Variants in FRMD5 observed in about 807,000 individuals in gnomAD.
FRMD5 encodes FERM domain-containing protein 5.
In FRMD5, 20 loss-of-function variants were observed where a neutral mutation model predicts 69.0. The ratio of observed to expected loss-of-function variants is 0.29; its 90% CI spans 0.20 to 0.42. FRMD5 has a LOEUF of 0.42. Ranked by LOEUF, FRMD5 falls within the 10% of genes least tolerant of loss-of-function variation. The probability of loss-of-function intolerance (pLI) is 1.00; values close to 1 mark genes in which losing one functional copy is unlikely to be tolerated. For missense variants in FRMD5, 595 were observed against 708.6 expected (o/e 0.84, Z 1.82); for synonymous variants, 271 against 260.1 (o/e 1.04, Z -0.40).
intron 1 of FRMD5, chr15:43,989,525 G>C: frequency 1.1e-6 from 1 of 900,344 alleles, no homozygotes; most frequent in South Asian, 1.3e-5. Flanking sequence ...GAAGTCCAGG[G>C]TGACATAGCA....
At chr15:44,063,893 T>C in intron 1 of FRMD5, 1 of 268,280 alleles carries the variant, frequency 3.7e-6, no homozygotes, top group Non-Finnish European at 7.3e-6. Flanking sequence ...TCTGTCGACG[T>C]CCCCATGTTT....
intron 1 of FRMD5, among the ~76,000 whole-genome samples, chr15:44,109,729 G>A (rs186014732): frequency 3.9e-5 from 6 of 152,258 alleles, no homozygotes; most frequent in Admixed American, 3.9e-4. Flanking sequence ...TTTGAAAAGT[G>A]TACAATGACG....
At chr15:43,991,132 C>G (rs746906800) in intron 1 of FRMD5, among the ~76,000 whole-genome samples, 1 of 152,160 alleles carries the variant, frequency 6.6e-6, no homozygotes, top group Non-Finnish European at 1.5e-5. Flanking sequence ...CTGTACAGGT[C>G]TCTGCCAGAG....
At chr15:44,048,235 T>C (rs1006697897) in intron 1 of FRMD5, among the ~76,000 whole-genome samples, 1 of 152,194 alleles carries the variant, frequency 6.6e-6, no homozygotes, top group East Asian at 1.9e-4. Context: ...GGCTTGTCTA[T>C]CCATTTAATT....
At chr15:43,945,714 A>G (rs943864783) in intron 1 of FRMD5, among the ~76,000 whole-genome samples, 1 of 152,136 alleles carries the variant, frequency 6.6e-6, no homozygotes, top group African/African-American at 2.4e-5. Flanking sequence ...TATGGACGGG[A>G]GGGCACATTG....
chr15:43,958,990 C>T (rs1319479316), intron 1 of FRMD5, among the ~76,000 whole-genome samples: 1 of 152,204 alleles, frequency 6.6e-6, no homozygotes, highest in African/African-American at 2.4e-5. Flanking sequence ...CATCAACTCT[C>T]TTATGCATCC....
At chr15:44,197,978 T>C (rs1485587951), upstream of FRMD5, among the ~76,000 whole-genome samples, 1 of 152,144 alleles carries the variant, frequency 6.6e-6, no homozygotes, top group Admixed American at 6.5e-5. Context: ...GTATTTCCTA[T>C]GTCAATGTGT....
intron 1 of FRMD5, among the ~76,000 whole-genome samples, chr15:43,946,323 C>T (rs1358349820): frequency 2.6e-5 from 4 of 152,160 alleles, no homozygotes; most frequent in Admixed American, 2.0e-4. Flanking sequence ...ACTGTAAATA[C>T]TTATAAGTTA....
intron 1 of FRMD5, among the ~76,000 whole-genome samples, chr15:43,991,695 G>C (rs772947910): frequency 6.6e-6 from 1 of 152,014 alleles, no homozygotes; most frequent in African/African-American, 2.4e-5. Context: ...CCACAATCTC[G>C]TCTCTATTAA....
At chr15:44,100,026 T>TA (rs2076614211) in intron 1 of FRMD5, among the ~76,000 whole-genome samples, 1 of 151,668 alleles carries the variant, frequency 6.6e-6, no homozygotes, top group African/African-American at 2.4e-5. Flanking sequence ...ATCCTGACTG[T>TA]ATCTAATAGC....
intron 1 of FRMD5, among the ~76,000 whole-genome samples, chr15:44,011,265 G>A (rs1166729004): frequency 4.0e-5 from 6 of 149,018 alleles, no homozygotes; most frequent in Non-Finnish European, 8.9e-5. Flanking sequence ...AACTGAAGAC[G>A]ATAAGAACTG....
At position 44,048,433 on chromosome 15, in the gene FRMD5, A is replaced by G. The variant is rs149325498; in HGVS notation, c.103-124124T>C. 3.5e-3 allele frequency among the ~76,000 whole-genome samples: 535 copies of G among 152,182 alleles called. 1 individual carries two copies. The highest frequency in any genetic ancestry group is 0.012 in the African/African-American group (511 of 41,516). On this transcript the variant is annotated intron_variant, in intron 1 of 13. Transcript: ENST00000417257. ...TATCTTTTCATTATTGAGTTGTAAG[A>G]GTTCTTCATATATTCTGGATATGAG...
At chr15:44,024,449 T>G (rs1489200745) in intron 1 of FRMD5, among the ~76,000 whole-genome samples, 3 of 152,218 alleles carry the variant, frequency 2.0e-5, no homozygotes, top group Admixed American at 6.5e-5. Flanking sequence ...CATTCTCATT[T>G]AGCAAAACTA....
At chr15:44,007,631 T>G (rs1387380016) in intron 1 of FRMD5, among the ~76,000 whole-genome samples, 1 of 140,662 alleles carries the variant, frequency 7.1e-6, no homozygotes, top group Non-Finnish European at 1.5e-5. Context: ...TTTAATTAAT[T>G]AACTAATTTT....
At chr15:43,910,057 T>A in intron 4 of FRMD5, 78 bp from the exon 5 acceptor site, 1 of 764,938 alleles carries the variant, frequency 1.3e-6, no homozygotes, top group Non-Finnish European at 2.1e-6. Context: ...TGTAAGCCTA[T>A]CAAAATCTTT....
At chr15:43,983,145 G>A (rs1447710753) in intron 1 of FRMD5, among the ~76,000 whole-genome samples, 2 of 152,060 alleles carry the variant, frequency 1.3e-5, no homozygotes, top group Admixed American at 6.6e-5. Context: ...TGGTCAGACT[G>A]GTCTCAAACT....
chr15:44,194,845 G>C (rs1348966029), intron 1 of FRMD5, 108 bp downstream of exon 1: 7 of 934,578 alleles, frequency 7.5e-6, no homozygotes, highest in South Asian at 1.4e-5. Context: ...GACAAAGCAC[G>C]GCGCTGGGGC....
At chr15:43,986,022 G>C (rs1405805854) in intron 1 of FRMD5, among the ~76,000 whole-genome samples, 1 of 152,230 alleles carries the variant, frequency 6.6e-6, no homozygotes, top group Non-Finnish European at 1.5e-5. Flanking sequence ...ATGAAAGAAT[G>C]TCAGTCCCCA....
rs949897688 is a variant in FRMD5, at chr15:43,985,379, C to A, written c.103-61070G>T. ...GGGAAGCCATGGGCAAGTCATCTGGCAACTCTGGACCTTAGTTCTCTCACT... is the reference window on the plus strand; with the variant it reads ...GGGAAGCCATGGGCAAGTCATCTGGAAACTCTGGACCTTAGTTCTCTCACT... On this transcript the variant is annotated intron_variant, in intron 1 of 13. Coordinates refer to ENST00000417257, the MANE Select transcript of FRMD5 (RefSeq NM_032892.5). 2.0e-5 allele frequency among the ~76,000 whole-genome samples: 3 copies of A among 151,370 alleles called. No homozygotes were observed. The East Asian group carries it at 5.8e-4, about 29-fold the overall frequency.
Sources: gnomAD v4.1 joint callset for allele counts (sites outside exome capture counted in the v4.1 genomes callset) on GRCh38, gnomAD v4.1.1 for gene constraint, MANE v1.5 for transcripts, NCBI Gene and HGNC (gene_info 2026-07-23, HGNC 2026-07-21) for gene names.